Variants in NCKAP5 observed in about 807,000 individuals in gnomAD.
NCKAP5 encodes nck-associated protein 5.
In NCKAP5, 92 loss-of-function variants were observed where a neutral mutation model predicts 167.0. The observed-to-expected ratio is 0.55, with a 90% CI of 0.47 to 0.66. The LOEUF (loss-of-function observed/expected upper bound fraction) is 0.66. NCKAP5 is among the 30% of genes least tolerant of loss of function. The pLI is 0.00. For missense variants in NCKAP5, 2,378 were observed against 2,315.0 expected, an observed-to-expected ratio of 1.03 and a Z score of -0.56; for synonymous variants, 891 against 877.4, an observed-to-expected ratio of 1.02 and a Z score of -0.27.
chr2:132,701,523 A>ACTG (rs142983300), intron 19 of NCKAP5, among the ~76,000 whole-genome samples: 13,568 of 151,638 alleles, frequency 0.089, 1,861 homozygotes, highest in African/African-American at 0.3. Context: ...TACATCAGAT[A>ACTG]CTGCTGCTGC....
intron 4 of NCKAP5, among the ~76,000 whole-genome samples, chr2:133,255,989 C>T (rs1039968537): frequency 1.3e-5 from 2 of 152,064 alleles, no homozygotes; most frequent in Non-Finnish European, 2.9e-5. Context: ...GTATATATAT[C>T]TTCTATTATG....
At chr2:133,517,624 C>T (rs1466554458) in intron 2 of NCKAP5, 37 bp from the exon 3 acceptor site, 1 of 737,192 alleles carries the variant, frequency 1.4e-6, no homozygotes, top group Non-Finnish European at 2.1e-6. Flanking sequence ...TATCCAAGTA[C>T]ACAGTGTTTA....
Position 132,781,044 on chromosome 2 carries a change from G to A in NCKAP5, c.5049+8C>T, listed in dbSNP as rs1407994234. The stretch of plus-strand genomic sequence containing the variant: ...TAGCACTTGATACCAGGATGGTGGA[G>A]CACTTACCAGGGAGTCTTTTGGTAC... On this transcript the variant is annotated splice_region_variant and intron_variant, in intron 15 of 19. Transcript: ENST00000409261. 4 of 1,612,578 alleles carry A rather than the reference G, an allele frequency of 2.5e-6. No homozygotes were observed. Among genetic ancestry groups the A allele is most frequent in the Non-Finnish European group, 2.5e-6 (3 of 1,179,202 alleles).
chr2:133,284,257 C>G (rs746475460), intron 4 of NCKAP5, among the ~76,000 whole-genome samples: 1 of 151,962 alleles, frequency 6.6e-6, no homozygotes, highest in Non-Finnish European at 1.5e-5. Context: ...CCAATTCAAG[C>G]TTGTCTGTGT....
chr2:133,226,432 T>G (rs576631961), intron 4 of NCKAP5, among the ~76,000 whole-genome samples: 39 of 151,956 alleles, frequency 2.6e-4, no homozygotes, highest in African/African-American at 6.8e-4. Context: ...GCATTATGAG[T>G]TGGAAAGTGT....
chr2:132,939,134 A>G (rs1278768807), intron 8 of NCKAP5, among the ~76,000 whole-genome samples: 1 of 152,228 alleles, frequency 6.6e-6, no homozygotes, highest in African/African-American at 2.4e-5. Flanking sequence ...ATATGAAAAA[A>G]AATGACCTTT....
At chr2:132,698,844 C>A (rs1301514689) in intron 19 of NCKAP5, among the ~76,000 whole-genome samples, 1 of 151,262 alleles carries the variant, frequency 6.6e-6, no homozygotes, top group African/African-American at 2.4e-5. Flanking sequence ...AAAAAACAAA[C>A]AAACAAACAA....
intron 13 of NCKAP5, among the ~76,000 whole-genome samples, chr2:132,789,218 G>A (rs1683848069): frequency 6.6e-6 from 1 of 152,186 alleles, no homozygotes; most frequent in African/African-American, 2.4e-5. Flanking sequence ...GGCTCTGGGA[G>A]CCAGGGATAT....
At chr2:132,841,679 T>G (rs2105426548) in intron 11 of NCKAP5, among the ~76,000 whole-genome samples, 1 of 152,252 alleles carries the variant, frequency 6.6e-6, no homozygotes, top group Non-Finnish European at 1.5e-5. Context: ...ACTTAATTGG[T>G]TTCCATCTAT....
intron 5 of NCKAP5, among the ~76,000 whole-genome samples, chr2:133,204,612 C>T (rs993978328): frequency 4.6e-5 from 7 of 152,262 alleles, no homozygotes; most frequent in Middle Eastern, 6.8e-3. Context: ...ATATGAGCCA[C>T]GTTTCGCATA....
intron 3 of NCKAP5, among the ~76,000 whole-genome samples, chr2:133,376,103 T>C (rs1002427055): frequency 2.0e-5 from 3 of 152,148 alleles, no homozygotes; most frequent in Non-Finnish European, 4.4e-5. Flanking sequence ...GTACAATAAA[T>C]ATTCAGTAGA....
At chr2:132,754,610 T>G (rs993225311) in intron 16 of NCKAP5, among the ~76,000 whole-genome samples, 9 of 152,198 alleles carry the variant, frequency 5.9e-5, no homozygotes, top group African/African-American at 2.2e-4. Flanking sequence ...GCAGCAGAGT[T>G]GACATTTCAA....
At chr2:132,759,361 C>A (rs931213966) in intron 16 of NCKAP5, among the ~76,000 whole-genome samples, 2 of 152,082 alleles carry the variant, frequency 1.3e-5, no homozygotes, top group African/African-American at 4.8e-5. Flanking sequence ...TAGGGCCATG[C>A]CTTTCAAACT....
intron 4 of NCKAP5, among the ~76,000 whole-genome samples, chr2:133,248,857 T>C (rs2088145485): frequency 6.6e-6 from 1 of 152,214 alleles, no homozygotes; most frequent in African/African-American, 2.4e-5. Flanking sequence ...ATTTCTTCCT[T>C]CCTTCCTGAG....
In NCKAP5 at chr2:133,140,903, C is replaced by A. The variant is rs149622611; in HGVS notation, c.208-10792G>T. 3.1e-3 allele frequency among the ~76,000 whole-genome samples: 466 copies of A among 151,830 alleles called. 3 individuals are homozygous for A. Among genetic ancestry groups the A allele is most frequent in the Admixed American group, 6.8e-3 (103 of 15,208 alleles). The stretch of plus-strand genomic sequence containing the variant: ...TATTATTCCCTGTCTCTTCAAAGAG[C>A]ACACTTTCCTTCAGGCAGGGATTAG... On this transcript the variant is annotated intron_variant, in intron 5 of 19. Transcript: ENST00000409261.
At chr2:133,033,840 A>C (rs1483517984) in intron 6 of NCKAP5, among the ~76,000 whole-genome samples, 1 of 151,958 alleles carries the variant, frequency 6.6e-6, no homozygotes, top group Non-Finnish European at 1.5e-5. Context: ...AAAAAAGAAT[A>C]AAAAAACAAT....
chr2:133,307,238 T>C (rs1437923084), intron 3 of NCKAP5, among the ~76,000 whole-genome samples: 1 of 152,090 alleles, frequency 6.6e-6, no homozygotes. Flanking sequence ...AATCTGTAAC[T>C]AAATTAAGAA....
chr2:133,438,216 C>T (rs1232538317), intron 3 of NCKAP5, among the ~76,000 whole-genome samples: 1 of 152,202 alleles, frequency 6.6e-6, no homozygotes, highest in Non-Finnish European at 1.5e-5. Context: ...TGGGTGCCAG[C>T]TTCTGGCAGC....
intron 8 of NCKAP5, among the ~76,000 whole-genome samples, chr2:132,893,226 C>T (rs1692867686): frequency 6.6e-6 from 1 of 152,112 alleles, no homozygotes; most frequent in South Asian, 2.1e-4. Flanking sequence ...AATTACTACA[C>T]CCATTTTAGG....
Sources: gnomAD v4.1 joint callset for allele counts (sites outside exome capture counted in the v4.1 genomes callset) on GRCh38, gnomAD v4.1.1 for gene constraint, MANE v1.5 for transcripts, NCBI Gene and HGNC (gene_info 2026-07-23, HGNC 2026-07-21) for gene names.